TPD52: variants seen among roughly 807,000 people sequenced by gnomAD.
The protein encoded by TPD52 is prostate and colon associated protein.
Under a neutral mutation model 31.3 loss-of-function variants are expected in TPD52, and 17 were observed. The ratio of observed to expected loss-of-function variants is 0.54; its 90% confidence interval spans 0.37 to 0.82. The LOEUF is 0.82. Ranked by LOEUF, TPD52 falls within the 40% of genes least tolerant of loss-of-function variation. TPD52 has a pLI of 0.00. For missense variants in TPD52, 212 were observed against 240.1 expected (o/e 0.88, Z 0.77); for synonymous variants, 83 against 89.6 (o/e 0.93, Z 0.42).
chr8:80,072,039 G>A (rs566225469), intron 1 of TPD52, among the ~76,000 whole-genome samples: 35 of 152,216 alleles, frequency 2.3e-4, no homozygotes, highest in African/African-American at 6.7e-4. Flanking sequence ...GGCCGGGCGC[G>A]GTGGCTCACG....
chr8:80,125,447 A>C (rs1808537853), intron 1 of TPD52, among the ~76,000 whole-genome samples: 1 of 152,140 alleles, frequency 6.6e-6, no homozygotes, highest in African/African-American at 2.4e-5. Flanking sequence ...CAAACATGCA[A>C]GCCTTGCACA....
intron 1 of TPD52, chr8:80,080,751 C>T (rs1815183300): frequency 1.1e-5 from 12 of 1,073,968 alleles, no homozygotes; most frequent in Non-Finnish European, 1.4e-5. Flanking sequence ...AGGGAGCGAG[C>T]TTTCCTCAGT....
chr8:80,136,323 G>A (rs13274117), intron 1 of TPD52, among the ~76,000 whole-genome samples: 64,750 of 150,382 alleles, frequency 0.43, 14,533 homozygotes, highest in East Asian at 0.78. Context: ...AGGAAATCGA[G>A]ACCATCCTGG....
At chr8:80,100,274 T>C (rs1806638470) in intron 1 of TPD52, among the ~76,000 whole-genome samples, 2 of 152,204 alleles carry the variant, frequency 1.3e-5, no homozygotes, top group South Asian at 4.1e-4. Context: ...AGATGATTGC[T>C]TTAAATAAGC....
Position 80,042,619 on chromosome 8 carries a change from C to T in TPD52, c.504+1G>A, listed in dbSNP as rs1810497011. 1 of 1,610,202 alleles carries T rather than the reference C, an allele frequency of 6.2e-7. No individual in the cohort carries two copies. Among genetic ancestry groups the T allele is most frequent in the South Asian group, 1.1e-5 (1 of 90,280 alleles). On this transcript the variant is annotated splice_donor_variant, in intron 7 of 7. Transcript: ENST00000518937. LOFTEE classifies it high-confidence loss of function. ...AAGACCCTGTTCATCTCTCTACTTG[C>T]CTTTAAGTTTTCGACCTTTTCTTCA...
chr8:80,147,279 T>C (rs1863439), intron 1 of TPD52, among the ~76,000 whole-genome samples: 59,688 of 152,048 alleles, frequency 0.39, 12,251 homozygotes, highest in East Asian at 0.71. Flanking sequence ...GGGGAAATGG[T>C]TAACCATGCA....
At chr8:80,114,958 C>T (rs61295937) in intron 1 of TPD52, among the ~76,000 whole-genome samples, 4,657 of 152,278 alleles carry the variant, frequency 0.031, 237 homozygotes, top group African/African-American at 0.11. Flanking sequence ...CCTCCACTGA[C>T]GCTAGCTAAC....
Position 80,171,430 on chromosome 8 carries a change from T to G in TPD52, c.14A>C (p.Glu5Ala). The G allele has an allele frequency of 1.3e-6, 2 of 1,595,226 alleles. No homozygotes were observed. The highest frequency in any genetic ancestry group is 4.5e-5 in the East Asian group (2 of 44,454). MDRG[E>A]QGLLRTDPVP... ...CGCTGGGTCCGCGCCCTCACCTTGC[T>G]CGCCGCGGTCCATGTCTCCAGCCCG... The change falls in exon 1 of 8, where the codon GAG becomes GCG. Residue 5 changes from glutamate (E) to alanine (A), a missense_variant. Coordinates refer to ENST00000518937, the MANE Select transcript of TPD52 (RefSeq NM_001025253.3).
chr8:80,161,949 G>A (rs1327910263), intron 1 of TPD52, among the ~76,000 whole-genome samples: 5 of 151,890 alleles, frequency 3.3e-5, no homozygotes, highest in Non-Finnish European at 5.9e-5. Flanking sequence ...GGCTGGCCTC[G>A]AACTCCTGAC....
intron 5 of TPD52, among the ~76,000 whole-genome samples, chr8:80,050,166 CTTCT>C (rs914847202): frequency 3.9e-5 from 6 of 152,188 alleles, no homozygotes; most frequent in Non-Finnish European, 7.4e-5. Context: ...GGTAAAGCTG[CTTCT>C]TTTTACCAAA....
chr8:80,103,645 T>C (rs552616918), intron 1 of TPD52, among the ~76,000 whole-genome samples: 2 of 152,308 alleles, frequency 1.3e-5, no homozygotes, highest in Admixed American at 6.5e-5. Context: ...CCCTGCACAT[T>C]TGGAGGTCAT....
At chr8:80,159,066 T>C (rs765763373) in intron 1 of TPD52, among the ~76,000 whole-genome samples, 1 of 150,216 alleles carries the variant, frequency 6.7e-6, no homozygotes, top group South Asian at 2.1e-4. Context: ...TCTAAAGAAA[T>C]AAAATGTTTC....
intron 1 of TPD52, among the ~76,000 whole-genome samples, chr8:80,068,540 A>C (rs544596102): frequency 6.6e-6 from 1 of 152,232 alleles, no homozygotes; most frequent in Non-Finnish European, 1.5e-5. Context: ...CATTTTAGCC[A>C]TTGCCTTAGT....
chr8:80,104,955 G>A (rs1261165352), intron 1 of TPD52, among the ~76,000 whole-genome samples: 2 of 152,042 alleles, frequency 1.3e-5, no homozygotes, highest in African/African-American at 2.4e-5. Flanking sequence ...AGCTACTTGG[G>A]TGGCTGAGGT....
intron 1 of TPD52, among the ~76,000 whole-genome samples, chr8:80,099,174 A>G (rs141064824): frequency 2.6e-4 from 39 of 152,278 alleles, no homozygotes; most frequent in African/African-American, 9.1e-4. Context: ...CTTTATTGCT[A>G]TATTTGCTTT....
At chr8:80,061,985 T>C (rs141639626) in intron 2 of TPD52, among the ~76,000 whole-genome samples, 3 of 152,338 alleles carry the variant, frequency 2.0e-5, no homozygotes, top group Admixed American at 2.0e-4. Context: ...ATTGTTAAGA[T>C]GGCAATACTC....
intron 1 of TPD52, among the ~76,000 whole-genome samples, chr8:80,160,685 T>A (rs1811284645): frequency 6.6e-6 from 1 of 152,160 alleles, no homozygotes; most frequent in East Asian, 1.9e-4. Context: ...ATGTGTTTTT[T>A]AAAAACTACT....
intron 7 of TPD52, 142 bp downstream of exon 7, chr8:80,042,478 A>G: frequency 7.0e-7 from 1 of 1,427,614 alleles, no homozygotes. Context: ...TTAAATGTCC[A>G]CTAGTAACAT....
At chr8:80,154,540 T>TTATG (rs767046058) in intron 1 of TPD52, among the ~76,000 whole-genome samples, 13 of 152,210 alleles carry the variant, frequency 8.5e-5, no homozygotes, top group Non-Finnish European at 1.8e-4. Flanking sequence ...AGTTTTTAAA[T>TTATG]TATGACACCT....
Sources: allele counts gnomAD v4.1 joint callset (sites outside exome capture counted in the v4.1 genomes callset), GRCh38; gene constraint gnomAD v4.1.1; transcripts MANE v1.5; gene names NCBI Gene and HGNC (gene_info 2026-07-23, HGNC 2026-07-21).